Variants in HDAC9 observed in about 807,000 individuals in gnomAD.
The protein encoded by HDAC9 is MEF-2 interacting transcription repressor (MITR) protein.
A neutral mutation model predicts 139.4 loss-of-function variants in HDAC9; 41 were observed. That is an observed-to-expected ratio of 0.29 (90% CI 0.23 to 0.38). HDAC9 has a LOEUF of 0.38. HDAC9 is among the 10% of genes least tolerant of loss of function. The pLI, the probability that HDAC9 is intolerant of heterozygous loss-of-function variation, is 1.00. For synonymous variants in HDAC9, 517 were observed against 476.2 expected (o/e 1.09, Z -1.12); for missense variants, 1,147 against 1,297.0 (o/e 0.88, Z 1.78).
chr7:18,899,829 A>C (rs548094910), intron 22 of HDAC9, among the ~76,000 whole-genome samples: 17 of 152,210 alleles, frequency 1.1e-4, no homozygotes, highest in Middle Eastern at 6.8e-3. Context: ...GCTTCATACT[A>C]TCTGTGACCT....
At chr7:18,908,591 A>T (rs1746024905) in intron 22 of HDAC9, among the ~76,000 whole-genome samples, 1 of 151,896 alleles carries the variant, frequency 6.6e-6, no homozygotes, top group African/African-American at 2.4e-5. Flanking sequence ...TCTACTCTCT[A>T]CTTCCATGAC....
chr7:18,629,764 T>C (rs899462175), intron 7 of HDAC9, among the ~76,000 whole-genome samples: 9 of 152,126 alleles, frequency 5.9e-5, no homozygotes, highest in Non-Finnish European at 1.2e-4. Context: ...GCAGTCCATT[T>C]TGGGAATGCC....
chr7:18,901,495 A>T (rs1410386291), intron 22 of HDAC9, among the ~76,000 whole-genome samples: 1 of 152,142 alleles, frequency 6.6e-6, no homozygotes, highest in African/African-American at 2.4e-5. Flanking sequence ...TGTTTCTGGT[A>T]AGCCTGTTTG....
chr7:18,310,809 T>TACACAC lies in HDAC9; in HGVS notation c.-42+20329_-42+20334dup, dbSNP rs71847714. Among the ~76,000 whole-genome samples the TACACAC allele has an allele frequency of 3.6e-3, 518 of 143,220 alleles. 2 individuals carry two copies. Among genetic ancestry groups the TACACAC allele is most frequent in the Middle Eastern group, 7.0e-3 (2 of 284 alleles). The allele number at this position is 143,220 out of a possible 152,430, so 94.0% of individuals were successfully genotyped here. A position where few individuals can be genotyped will look rare whatever the true frequency, so the allele number is the denominator to read the frequency against. ...TTTTTATCAACTTGTACAAATCCATTACACACACACACACACACACACACA... is the reference window on the plus strand; with the variant it reads ...TTTTTATCAACTTGTACAAATCCATTACACACACACACACACACACACACACACACA... On this transcript the variant is annotated intron_variant, in intron 1 of 3. Coordinates refer to the HDAC9 transcript ENST00000413509.
At chr7:18,114,674 G>A (rs1417554225) in intron 1 of HDAC9, among the ~76,000 whole-genome samples, 1 of 152,180 alleles carries the variant, frequency 6.6e-6, no homozygotes, top group African/African-American at 2.4e-5. Flanking sequence ...AGACTTGAAA[G>A]GGAACCAATA....
chr7:18,585,149 TG>T, intron 2 of HDAC9, 131 bp from the exon 3 acceptor site: 1 of 937,104 alleles, frequency 1.1e-6, no homozygotes, highest in Non-Finnish European at 1.6e-6. Flanking sequence ...TGTAAAGAAA[TG>T]GCTAGAGTCA....
At chr7:18,164,578 G>A (rs566926443) in intron 2 of HDAC9, among the ~76,000 whole-genome samples, 1 of 152,270 alleles carries the variant, frequency 6.6e-6, no homozygotes, top group South Asian at 2.1e-4. Flanking sequence ...GTTTCAGACT[G>A]AGTATGTTTG....
At position 18,735,743 on chromosome 7, in the gene HDAC9, T is replaced by G. The variant is rs556426568; in HGVS notation, c.1909+7986T>G. ...GCTCTTTTCTGGTTCCATACAAAATTTAAAGTAGTTTTTCCAATTCTGTGA... is the reference window on the plus strand; with the variant it reads ...GCTCTTTTCTGGTTCCATACAAAATGTAAAGTAGTTTTTCCAATTCTGTGA... On this transcript the variant is annotated intron_variant, in intron 13 of 25. Transcript: ENST00000686413. Among the ~76,000 whole-genome samples the G allele has an allele frequency of 4.6e-5, 7 of 152,324 alleles. No individual in the cohort carries two copies. The South Asian group carries it at 6.2e-4, about 14-fold the overall frequency.
At chr7:18,484,670 A>G (rs1015778089) in intron 1 of HDAC9, among the ~76,000 whole-genome samples, 4 of 152,114 alleles carry the variant, frequency 2.6e-5, no homozygotes, top group Non-Finnish European at 5.9e-5. Context: ...TTTGAAGTCA[A>G]CACATAATTA....
chr7:18,901,610 T>G (rs115801523), intron 22 of HDAC9, among the ~76,000 whole-genome samples: 1,973 of 152,264 alleles, frequency 0.013, 51 homozygotes, highest in African/African-American at 0.045. Flanking sequence ...ACCACATAAT[T>G]GCTAGACTTA....
chr7:18,920,311 T>C (rs1803581588), intron 22 of HDAC9, among the ~76,000 whole-genome samples: 2 of 152,164 alleles, frequency 1.3e-5, no homozygotes, highest in African/African-American at 4.8e-5. Context: ...TGTTGGTGTA[T>C]AAGAATGCTT....
chr7:18,960,427 A>G (rs1026320488), intron 24 of HDAC9, among the ~76,000 whole-genome samples: 3 of 152,022 alleles, frequency 2.0e-5, no homozygotes, highest in African/African-American at 7.2e-5. Flanking sequence ...TCCTCTTCCT[A>G]TTATTATTAC....
At chr7:18,527,247 T>A (rs1807249608) in intron 2 of HDAC9, among the ~76,000 whole-genome samples, 1 of 152,138 alleles carries the variant, frequency 6.6e-6, no homozygotes, top group Admixed American at 6.5e-5. Context: ...GATACTAATT[T>A]TTGAGAAAAA....
rs142406721 is a variant in HDAC9 at position 18,253,098 on chromosome 7, G to A, written c.25+90749G>A. Among the ~76,000 whole-genome samples the A allele has an allele frequency of 2.1e-3, 322 of 152,246 alleles. 2 individuals are homozygous for A. Among genetic ancestry groups the A allele is most frequent in the African/African-American group, 6.6e-3 (276 of 41,540 alleles). The stretch of plus-strand genomic sequence containing the variant: ...ATGACATGACCTTGTTCTTTTTTAT[G>A]ACTGCATAGTATTCCATGGTATATA... On this transcript the variant is annotated intron_variant, in intron 2 of 12. Coordinates refer to the HDAC9 transcript ENST00000417496.
chr7:18,683,894 A>G (rs932855162), intron 12 of HDAC9, among the ~76,000 whole-genome samples: 4 of 152,076 alleles, frequency 2.6e-5, no homozygotes, highest in Non-Finnish European at 5.9e-5. Context: ...CTCTAAAATA[A>G]AACTAAGAAT....
In HDAC9 at chr7:18,938,613, A is replaced by T. The variant is rs112157018; in HGVS notation, c.2937+2671A>T. 2.4e-3 allele frequency among the ~76,000 whole-genome samples: 370 copies of T among 152,306 alleles called. 2 individuals are homozygous for T. Among genetic ancestry groups the T allele is most frequent in the African/African-American group, 8.0e-3 (333 of 41,550 alleles). The stretch of plus-strand genomic sequence containing the variant: ...TCCGTCTCAAAAAAAATAATAATAA[A>T]AAAAAATCTCAAAATGCTGAATTAA... On this transcript the variant is annotated intron_variant, in intron 23 of 25. Transcript: ENST00000686413.
At chr7:18,617,389 G>T (rs77355701) in intron 6 of HDAC9, among the ~76,000 whole-genome samples, 8,145 of 152,154 alleles carry the variant, frequency 0.054, 309 homozygotes, top group African/African-American at 0.11. Flanking sequence ...TGCCCTAGCA[G>T]TAATGAAAAA....
chr7:18,652,574 G>T (rs187997762), intron 11 of HDAC9, among the ~76,000 whole-genome samples: 2 of 152,118 alleles, frequency 1.3e-5, no homozygotes, highest in East Asian at 3.9e-4. Flanking sequence ...CATTTTTGTT[G>T]TGAGGTAATT....
At chr7:18,604,651 G>A (rs1182955663) in intron 6 of HDAC9, among the ~76,000 whole-genome samples, 2 of 151,870 alleles carry the variant, frequency 1.3e-5, no homozygotes, top group African/African-American at 2.4e-5. Context: ...CGCCTGTCTC[G>A]GCTTCCCAAA....
Sources: allele counts gnomAD v4.1 joint callset (sites outside exome capture counted in the v4.1 genomes callset), GRCh38; gene constraint gnomAD v4.1.1; transcripts MANE v1.5; gene names NCBI Gene and HGNC (gene_info 2026-07-23, HGNC 2026-07-21).